The following TLE2 variants were observed in gnomAD, a reference collection of about 807,000 sequenced individuals.
TLE2 encodes transducin-like enhancer protein 2.
Under a neutral mutation model 97.2 loss-of-function variants are expected in TLE2, and 74 were observed. The observed-to-expected ratio is 0.76, with a 90% CI of 0.63 to 0.92. The LOEUF is 0.92. TLE2 is among the 40% of genes least tolerant of loss of function. The pLI is 0.00. For synonymous variants in TLE2, 499 were observed against 432.1 expected (o/e 1.15, Z -1.92); for missense variants, 1,038 against 1,008.7 (o/e 1.03, Z -0.39).
In TLE2 at chr19:3,013,985, T is replaced by C. The variant is rs1345546488; in HGVS notation, c.724-167A>G. Reference sequence around the variant, plus strand: ...TGCCTCAGTTTACTCATCTGTAAAATGTATTTTTTTTTTTTTTGAGTCTCG... The same window carrying C: ...TGCCTCAGTTTACTCATCTGTAAAACGTATTTTTTTTTTTTTTGAGTCTCG... On this transcript the variant is annotated intron_variant, in intron 10 of 19. Transcript: ENST00000262953. Among the ~76,000 whole-genome samples, 5 of 115,030 alleles carry C rather than the reference T, an allele frequency of 4.3e-5. No individual in the cohort carries two copies. In the East Asian group the frequency reaches 1.4e-3, roughly 33 times the overall value. 75.5% of individuals were successfully genotyped at this position (115,030 alleles called of 152,430 possible).
At chr19:3,012,946 C>A (rs1161147352) in intron 11 of TLE2, among the ~76,000 whole-genome samples, 1 of 152,122 alleles carries the variant, frequency 6.6e-6, no homozygotes, top group East Asian at 1.9e-4. Flanking sequence ...ACGGAGCTGA[C>A]CCATCCCCTT....
Position 3,019,487 on chromosome 19 carries a change from G to A in TLE2, c.370-24C>T. On this transcript the variant is annotated intron_variant, in intron 6 of 19. Coordinates refer to ENST00000262953, the MANE Select transcript of TLE2 (RefSeq NM_003260.5). This position sits in a 1 kb window ranked among gnomAD's most constrained non-coding sequence, Gnocchi z 5.1. ...TGCTGCTAGAAAGGAGGCAGGATGG[G>A]CCGGGGCGGGGGGCGGCAGGAGCCC... is the stretch of plus-strand genomic sequence containing the variant. The A allele has an allele frequency of 1.3e-6, 2 of 1,495,350 alleles. No homozygotes were observed. Among genetic ancestry groups the A allele is most frequent in the Non-Finnish European group, 1.8e-6 (2 of 1,126,114 alleles). The allele number at this position is 1,495,350 out of a possible 1,614,324, so 92.6% of individuals were successfully genotyped here.
upstream of TLE2, among the ~76,000 whole-genome samples, chr19:3,032,331 G>C (rs1018812874): frequency 6.6e-6 from 1 of 152,024 alleles, no homozygotes; most frequent in African/African-American, 2.4e-5. The surrounding 1 kb of genome is among the most constrained non-coding windows in gnomAD (Gnocchi z 4.1). Context: ...TCTGCCTTCT[G>C]GGCTCAGGTG....
chr19:3,009,728 T>C (rs1599209376), intron 12 of TLE2, 26 bp from the exon 13 acceptor site: 1 of 1,589,546 alleles, frequency 6.3e-7, no homozygotes, highest in East Asian at 2.3e-5. Flanking sequence ...CGGGGACAGG[T>C]TTTGACGCCC....
At position 3,024,874 on chromosome 19, in the gene TLE2, C is replaced by A. The variant is rs2089912687; in HGVS notation, c.294+146G>T. 26 of 682,684 alleles carry A rather than the reference C, an allele frequency of 3.8e-5. 4 individuals are homozygous for A. The South Asian group carries it at 4.7e-4, about 12-fold the overall frequency. The allele number at this position is 682,684 out of a possible 1,614,324, so 42.3% of individuals were successfully genotyped here. On this transcript the variant is annotated intron_variant, in intron 5 of 19. Coordinates refer to ENST00000262953, the MANE Select transcript of TLE2 (RefSeq NM_003260.5). ...AGCGGGATGCCTGGCCTCAGGGCTG[C>A]GGGACTACTGCAGTGAAAATGGTCT...
chr19:3,013,633 A>C, intron 11 of TLE2, 36 bp downstream of exon 11: 2 of 1,343,972 alleles, frequency 1.5e-6, no homozygotes, highest in African/African-American at 3.0e-5. Context: ...CCCGGGATGA[A>C]TAAAGTGAGT....
At chr19:3,024,484 C>G (rs1030072139) in intron 5 of TLE2, among the ~76,000 whole-genome samples, 2 of 150,238 alleles carry the variant, frequency 1.3e-5, no homozygotes, top group African/African-American at 4.9e-5. Flanking sequence ...ACCCCCCATT[C>G]TGCTTTCTGT....
At position 3,008,964 on chromosome 19, in the gene TLE2, G is replaced by A. The variant is rs758974700; in HGVS notation, c.1174-19C>T. The A allele has an allele frequency of 1.3e-6, 2 of 1,559,046 alleles. No individual in the cohort carries two copies. The highest frequency in any genetic ancestry group is 1.9e-5 in the Admixed American group (1 of 53,358). On this transcript the variant is annotated intron_variant, in intron 13 of 19. Transcript: ENST00000262953. Reference sequence around the variant, plus strand: ...ATGCCATCTGTGAGAATGCCAGGGGGGTGTCAGTGAGGCAGGTGACTCCAA... The same window carrying A: ...ATGCCATCTGTGAGAATGCCAGGGGAGTGTCAGTGAGGCAGGTGACTCCAA...
intron 9 of TLE2, 47 bp downstream of exon 9, chr19:3,015,606 T>A: frequency 6.8e-7 from 1 of 1,478,512 alleles, no homozygotes; most frequent in South Asian, 1.2e-5. Flanking sequence ...GCCAGGCTGG[T>A]CTGGGCCATG....
chr19:3,046,451 G>A (rs562796041), upstream of TLE2, among the ~76,000 whole-genome samples: 72 of 152,266 alleles, frequency 4.7e-4, 1 homozygote, highest in South Asian at 4.6e-3. Context: ...CTGGGGATGG[G>A]GAAGGGGGAT....
chr19:3,028,617 G>T, intron 2 of TLE2, 89 bp downstream of exon 2: 1 of 1,461,576 alleles, frequency 6.8e-7, no homozygotes. Flanking sequence ...CCAACCGGGA[G>T]CCCCTCCTCC....
intron 4 of TLE2, 104 bp from the exon 5 acceptor site, chr19:3,025,186 A>C (rs921730730): frequency 5.2e-5 from 64 of 1,241,880 alleles, no homozygotes; most frequent in South Asian, 6.2e-5. Context: ...AGGGTTGGGG[A>C]GGTGACGCCC....
chr19:3,029,564 G>GT, upstream of TLE2: 3 of 801,572 alleles, frequency 3.7e-6, no homozygotes, highest in South Asian at 5.7e-5. Context: ...GGAGCGGGGG[G>GT]GGGGGCTTGC....
chr19:3,006,223 C>A, intron 15 of TLE2, 197 bp downstream of exon 15: 1 of 1,008,892 alleles, frequency 9.9e-7, no homozygotes, highest in Non-Finnish European at 1.5e-6. Context: ...CTTGCAAGTC[C>A]AATTCAGATT....
chr19:3,041,014 T>TATATATATATATATGTATATATATA (rs55998855), intron 1 of TLE2, among the ~76,000 whole-genome samples: 2 of 20,168 alleles, frequency 9.9e-5, no homozygotes, highest in African/African-American at 2.1e-4. Context: ...TATATATATA[T>TATATATATATATATGTATATATATA]TTTTTTTTTT....
chr19:3,013,783 G>T lies in TLE2; in HGVS notation c.759C>A (p.Thr253=), dbSNP rs2089645202. 6.4e-7 allele frequency: 1 copy of T among 1,559,086 alleles called. No individual in the cohort carries two copies. Among genetic ancestry groups the T allele is most frequent in the South Asian group, 1.2e-5 (1 of 82,858 alleles). Residue 253 remains threonine (T), a synonymous_variant, in exon 11 of 20, where the codon ACC becomes ACA. Coordinates refer to ENST00000262953, the MANE Select transcript of TLE2 (RefSeq NM_003260.5). ...TGCAGATGGGTACCTTTCCGCAGGG[G>T]GTGGTAGCCGGGCTGGGGGGCTCTG... ...QPSEPPSPAT[T]PCGKVPICIP...
Position 3,019,830 on chromosome 19 carries a change from G to T in TLE2, c.295-57C>A. On this transcript the variant is annotated intron_variant, in intron 5 of 19. Coordinates refer to ENST00000262953, the MANE Select transcript of TLE2 (RefSeq NM_003260.5). This position sits in a 1 kb window ranked among gnomAD's most constrained non-coding sequence, Gnocchi z 5.1. ...CATTGAGCCCCTGCTCATGCTAGCG[G>T]TGCCCTTGGGGACCTGACCTCTCCC... is the stretch of plus-strand genomic sequence containing the variant. The T allele has an allele frequency of 6.4e-7, 1 of 1,568,350 alleles. No individual in the cohort carries two copies.
chr19:3,002,141 G>C (rs1599193784), intron 18 of TLE2, among the ~76,000 whole-genome samples: 1 of 152,052 alleles, frequency 6.6e-6, no homozygotes, highest in East Asian at 1.9e-4. Flanking sequence ...TTTTAGGACA[G>C]GTATATCCCA....
chr19:3,006,800 T>TATTTTTTGTTTTGTTTTTA, intron 14 of TLE2, 131 bp from the exon 15 acceptor site: 1 of 1,345,566 alleles, frequency 7.4e-7, no homozygotes, highest in Non-Finnish European at 9.9e-7. Flanking sequence ...TTTTGTTTTT[T>TATTTTTTGTTTTGTTTTTA]GAGAGGGAGT....
Sources: allele counts gnomAD v4.1 joint callset (sites outside exome capture counted in the v4.1 genomes callset), GRCh38; gene constraint gnomAD v4.1.1; non-coding constraint Gnocchi (gnomAD v3.1); transcripts MANE v1.5; gene names NCBI Gene and HGNC (gene_info 2026-07-23, HGNC 2026-07-21).